The following MERTK variants were observed in gnomAD, a reference collection of about 807,000 sequenced individuals.
The protein encoded by MERTK is MER proto-oncogene, tyrosine kinase, also known as tyrosine-protein kinase Mer.
MERTK carries 69 observed loss-of-function variants against 99.3 expected under a neutral mutation model. The ratio of observed to expected loss-of-function variants is 0.70; its 90% confidence interval spans 0.57 to 0.85. The LOEUF (loss-of-function observed/expected upper bound fraction) is 0.85, where lower values mean the gene tolerates loss of function less well. Among genes scored for constraint, MERTK ranks in the 40% least tolerant of loss-of-function variants. The pLI, the probability that MERTK is intolerant of heterozygous loss-of-function variation, is 0.00. For missense variants in MERTK, 1,125 were observed against 1,249.4 expected (o/e 0.90, Z 1.50); for synonymous variants, 426 against 467.6 (o/e 0.91, Z 1.15).
At chr2:111,986,458 G>A (rs1676479726) in intron 8 of MERTK, among the ~76,000 whole-genome samples, 1 of 152,220 alleles carries the variant, frequency 6.6e-6, no homozygotes, top group Non-Finnish European at 1.5e-5. Context: ...CACTTAGGCT[G>A]TCTAAAAACA....
At chr2:112,003,378 T>A in intron 12 of MERTK, 191 bp downstream of exon 12, 1 of 491,366 alleles carries the variant, frequency 2.0e-6, no homozygotes, top group South Asian at 2.4e-5. Context: ...ATGAAAAGAT[T>A]CTCTTCAATG....
chr2:111,922,746 G>A (rs1222184901), intron 1 of MERTK, among the ~76,000 whole-genome samples: 3 of 152,246 alleles, frequency 2.0e-5, no homozygotes, highest in Non-Finnish European at 4.4e-5. Context: ...CCTTGAGGTG[G>A]TGAGGGACTG....
intron 15 of MERTK, 91 bp from the exon 16 acceptor site, chr2:112,019,322 A>T (rs1677283076): frequency 3.3e-6 from 3 of 905,268 alleles, no homozygotes; most frequent in South Asian, 1.3e-5. Flanking sequence ...ACTGTAATAA[A>T]TTAAAGCATC....
intron 9 of MERTK, among the ~76,000 whole-genome samples, chr2:111,994,880 A>G (rs1676703642): frequency 6.6e-6 from 1 of 152,198 alleles, no homozygotes; most frequent in Non-Finnish European, 1.5e-5. Flanking sequence ...AACTGCTGAT[A>G]CCCATAGGTC....
At chr2:112,021,704 C>G (rs1158619100) in intron 17 of MERTK, 123 bp downstream of exon 17, 25 of 827,928 alleles carry the variant, frequency 3.0e-5, no homozygotes, top group Non-Finnish European at 4.8e-5. Context: ...TGGCAGCTTG[C>G]TCAGATCTCT....
rs144162028 is a variant in MERTK, at chr2:111,929,181, G to T, written c.123G>T (p.Gly41=). The T allele has an allele frequency of 1.9e-6, 3 of 1,614,120 alleles. No individual in the cohort carries two copies. Among genetic ancestry groups the T allele is most frequent in the Non-Finnish European group, 2.5e-6 (3 of 1,180,020 alleles). ...CGCTATTCCCGGGACCTTTTCCAGG[G>T]AGCCTGCAAACTGACCACACACCGC... The part of the protein sequence containing the change: ...PYPLFPGPFP[G]SLQTDHTPLL... Residue 41 remains glycine, a synonymous_variant, in exon 2 of 19, where the codon GGG becomes GGT. Coordinates refer to ENST00000295408, the MANE Select transcript of MERTK (RefSeq NM_006343.3).
intron 1 of MERTK, among the ~76,000 whole-genome samples, chr2:111,903,281 T>G (rs1684079237): frequency 6.6e-6 from 1 of 152,214 alleles, no homozygotes; most frequent in Non-Finnish European, 1.5e-5. Context: ...CTACTGGCTT[T>G]TCCAGAAACA....
chr2:111,951,504 C>T (rs1414431238), intron 4 of MERTK, among the ~76,000 whole-genome samples: 1 of 95,666 alleles, frequency 1.0e-5, no homozygotes, highest in Non-Finnish European at 2.3e-5. Context: ...CTTTTTTGTA[C>T]ACGCTGAATA....
At chr2:111,962,517 C>CA (rs1430191182) in intron 4 of MERTK, among the ~76,000 whole-genome samples, 1 of 152,054 alleles carries the variant, frequency 6.6e-6, no homozygotes, top group Non-Finnish European at 1.5e-5. Flanking sequence ...AAAAAAATTT[C>CA]AAATTTTAGG....
At chr2:111,969,162 G>T (rs1363281523) in intron 6 of MERTK, among the ~76,000 whole-genome samples, 2 of 152,302 alleles carry the variant, frequency 1.3e-5, no homozygotes, top group African/African-American at 4.8e-5. Context: ...AATGAAAATG[G>T]TGGCAGTAAC....
At chr2:111,946,597 C>T (rs1376758788) in intron 3 of MERTK, among the ~76,000 whole-genome samples, 1 of 152,196 alleles carries the variant, frequency 6.6e-6, no homozygotes, top group East Asian at 1.9e-4. Context: ...CTTTGAAAAG[C>T]ACTCAGCCTT....
intron 2 of MERTK, among the ~76,000 whole-genome samples, chr2:111,932,869 C>G (rs2104690531): frequency 6.6e-6 from 1 of 152,208 alleles, no homozygotes; most frequent in African/African-American, 2.4e-5. Context: ...TTGGGGCTGA[C>G]ATCTCTCTGG....
At chr2:111,908,522 C>G (rs1314680305) in intron 1 of MERTK, among the ~76,000 whole-genome samples, 1 of 152,084 alleles carries the variant, frequency 6.6e-6, no homozygotes, top group East Asian at 1.9e-4. Context: ...TGTTTCAATT[C>G]CCATGCATGT....
At chr2:112,007,529 C>G (rs1677008235) in intron 13 of MERTK, among the ~76,000 whole-genome samples, 1 of 152,158 alleles carries the variant, frequency 6.6e-6, no homozygotes, top group Non-Finnish European at 1.5e-5. Context: ...TTCTCCCCAG[C>G]CCTGGCAAGC....
rs2230516 is a variant in MERTK at position 112,028,457 on chromosome 2, C to A, written c.2593C>A (p.Arg865=). ...ACTCTTAGAAAGTTTGCCTGACGTT[C>A]GGAACCAAGCAGACGTTATTTACGT... ...EKLLESLPDV[R]NQADVIYVNT... is the part of the protein sequence containing the mutation. The change falls in exon 19 of 19, where the codon CGG becomes AGG. Residue 865 remains arginine, a synonymous_variant. Coordinates refer to ENST00000295408, the MANE Select transcript of MERTK (RefSeq NM_006343.3). 1.2e-6 allele frequency: 2 copies of A among 1,614,074 alleles called. No individual in the cohort carries two copies. Among genetic ancestry groups the A allele is most frequent in the Non-Finnish European group, 1.7e-6 (2 of 1,180,050 alleles).
At chr2:111,964,380 TGTGTGTGTGTGTGTGTGTGC>T (rs1685318107) in intron 4 of MERTK, among the ~76,000 whole-genome samples, 1 of 76,428 alleles carries the variant, frequency 1.3e-5, no homozygotes, top group Non-Finnish European at 3.1e-5. Flanking sequence ...TGTGTGTGTG[TGTGTGTGTGTGTGTGTGTGC>T]GCGCGCGCAC....
At chr2:111,998,919 C>T (rs1330170142) in intron 10 of MERTK, among the ~76,000 whole-genome samples, 1 of 152,192 alleles carries the variant, frequency 6.6e-6, no homozygotes, top group East Asian at 1.9e-4. Flanking sequence ...ACTACAAGAT[C>T]TATTCATTTG....
chr2:111,984,613 G>A (rs1334327112), intron 8 of MERTK, among the ~76,000 whole-genome samples: 1 of 152,144 alleles, frequency 6.6e-6, no homozygotes, highest in Non-Finnish European at 1.5e-5. Context: ...TGAAGCCAAG[G>A]CAGGTAGAAA....
intron 6 of MERTK, among the ~76,000 whole-genome samples, chr2:111,974,860 AT>A (rs1676211756): frequency 6.6e-6 from 1 of 151,878 alleles, no homozygotes; most frequent in African/African-American, 2.4e-5. Context: ...TTTGGGAAAT[AT>A]TTCCTTTAAA....
Sources: allele counts gnomAD v4.1 joint callset (sites outside exome capture counted in the v4.1 genomes callset), GRCh38; gene constraint gnomAD v4.1.1; transcripts MANE v1.5; gene names NCBI Gene and HGNC (gene_info 2026-07-23, HGNC 2026-07-21).